Variants in SCAF11 observed in about 807,000 individuals in gnomAD.
SCAF11 encodes the protein protein SCAF11.
A neutral mutation model predicts 140.5 loss-of-function variants in SCAF11; 47 were observed. The ratio of observed to expected loss-of-function variants is 0.33; its 90% CI spans 0.26 to 0.43. SCAF11 has a LOEUF of 0.43. SCAF11 is among the 20% of genes least tolerant of loss of function. SCAF11 has a pLI of 1.00. For missense variants in SCAF11, 1,645 were observed against 1,705.1 expected (o/e 0.96, Z 0.62); for synonymous variants, 557 against 579.4 (o/e 0.96, Z 0.55).
chr12:45,950,433 C>A (rs536000971), intron 4 of SCAF11, among the ~76,000 whole-genome samples: 2 of 152,204 alleles, frequency 1.3e-5, no homozygotes, highest in Non-Finnish European at 2.9e-5. Flanking sequence ...AAGTAAAATA[C>A]AAACTCTATC....
intron 1 of SCAF11, among the ~76,000 whole-genome samples, chr12:45,986,747 G>C (rs1946468447): frequency 6.6e-6 from 1 of 152,114 alleles, no homozygotes; most frequent in African/African-American, 2.4e-5. Flanking sequence ...CCCCCATACT[G>C]TTCTCATGGT....
chr12:45,969,928 C>A (rs1343385229), intron 1 of SCAF11, among the ~76,000 whole-genome samples: 1 of 151,914 alleles, frequency 6.6e-6, no homozygotes, highest in African/African-American at 2.4e-5. Flanking sequence ...GACGGAGTCT[C>A]GCTCTGTCGC....
intron 11 of SCAF11, among the ~76,000 whole-genome samples, chr12:45,925,542 T>G (rs1944838026): frequency 6.6e-6 from 1 of 151,596 alleles, no homozygotes; most frequent in Admixed American, 6.6e-5. Flanking sequence ...ACAGAGAAAC[T>G]CCATCTCAAA....
At position 45,927,987 on chromosome 12, in the gene SCAF11, A is replaced by T. The variant is rs200096019; in HGVS notation, c.1714T>A (p.Ser572Thr). The change falls in exon 11 of 15, where the codon TCT (serine) becomes ACT (threonine). Residue 572 changes from serine (S) to threonine (T), a missense_variant. Physicochemically the swap from Ser to Thr is moderately conservative, Grantham distance 58. Transcript: ENST00000369367. Reference protein sequence around the residue: ...QPVSCPLSDLSENVESVVNEE... With the variant: ...QPVSCPLSDLTENVESVVNEE... ...TTAACCACTGACTCTACATTCTCAG[A>T]TAAGTCACTTAGGGGACAAGATACA... 2 of 1,613,244 alleles carry T rather than the reference A, an allele frequency of 1.2e-6. No homozygotes were observed. Among genetic ancestry groups the T allele is most frequent in the Non-Finnish European group, 1.7e-6 (2 of 1,180,000 alleles).
intron 8 of SCAF11, among the ~76,000 whole-genome samples, 177 bp downstream of exon 8, chr12:45,933,999 G>A (rs994603624): frequency 1.3e-5 from 2 of 151,950 alleles, no homozygotes; most frequent in African/African-American, 4.8e-5. Flanking sequence ...AAAATTAACA[G>A]GTTTTCTCTT....
chr12:45,954,733 CTTTTTTTTT>C (rs759746881), intron 3 of SCAF11: 1 of 93,912 alleles, frequency 1.1e-5, no homozygotes, highest in Non-Finnish European at 1.9e-5. Context: ...CCGTGCCTAG[CTTTTTTTTT>C]TTTTTTTTTT....
At chr12:45,952,017 C>G (rs1365832133) in intron 3 of SCAF11, among the ~76,000 whole-genome samples, 1 of 152,118 alleles carries the variant, frequency 6.6e-6, no homozygotes, top group African/African-American at 2.4e-5. Flanking sequence ...GGGCTGACAG[C>G]AGTAGTTCTG....
chr12:45,972,921 G>GAT lies in SCAF11; in HGVS notation c.-21-8735_-21-8734dup, dbSNP rs1565688971. Among the ~76,000 whole-genome samples the GAT allele has an allele frequency of 4.6e-3, 275 of 59,700 alleles. 21 individuals are homozygous for GAT. Among genetic ancestry groups the GAT allele is most frequent in the African/African-American group, 0.022 (265 of 11,816 alleles). The allele number at this position is 59,700 out of a possible 152,430, so 39.2% of individuals were successfully genotyped here. A position where few individuals can be genotyped will look rare whatever the true frequency, so the allele number is the denominator to read the frequency against. ...ATATATATATATAGATATATATATA[G>GAT]ATATATAGATATATATAGATATATA... On this transcript the variant is annotated intron_variant, in intron 1 of 14. Coordinates refer to ENST00000369367, the MANE Select transcript of SCAF11 (RefSeq NM_004719.3).
chr12:45,925,780 T>C (rs1565657066), intron 11 of SCAF11, among the ~76,000 whole-genome samples: 1 of 152,102 alleles, frequency 6.6e-6, no homozygotes, highest in Non-Finnish European at 1.5e-5. Flanking sequence ...ATTAAAACAA[T>C]GGCTTATTTT....
At chr12:45,949,126 A>G (rs1334014244) in intron 4 of SCAF11, among the ~76,000 whole-genome samples, 1 of 152,162 alleles carries the variant, frequency 6.6e-6, no homozygotes, top group Non-Finnish European at 1.5e-5. Context: ...CTTTGGTGTG[A>G]TATGGGGAAT....
At chr12:45,965,349 C>T (rs1945920888) in intron 1 of SCAF11, among the ~76,000 whole-genome samples, 1 of 152,086 alleles carries the variant, frequency 6.6e-6, no homozygotes. Context: ...TGAGCAACTA[C>T]AGTGAAGGAG....
intron 1 of SCAF11, among the ~76,000 whole-genome samples, chr12:45,987,987 T>G (rs1946498256): frequency 6.6e-6 from 1 of 152,204 alleles, no homozygotes; most frequent in Admixed American, 6.5e-5. Flanking sequence ...AAAAATACAA[T>G]GCAAAGATGA....
intron 1 of SCAF11, among the ~76,000 whole-genome samples, chr12:45,979,484 G>C (rs1016221057): frequency 2.0e-5 from 3 of 152,108 alleles, no homozygotes; most frequent in African/African-American, 7.2e-5. Flanking sequence ...AAACTTTACA[G>C]AGTTTCAATT....
At chr12:45,957,058 C>T (rs1446223525) in intron 3 of SCAF11, among the ~76,000 whole-genome samples, 1 of 151,898 alleles carries the variant, frequency 6.6e-6, no homozygotes, top group Non-Finnish European at 1.5e-5. Context: ...TGGAGAGAGC[C>T]CTGATCATCT....
rs750987619 is a variant in SCAF11, at chr12:45,933,222, T to C, written c.643A>G (p.Ile215Val). ...AATGCACTGATTTCACTGGCTTCTA[T>C]AAATTCTGTACTAAAAGATAAATTT... The part of the protein sequence containing the change: ...FTYRAYCTEF[I>V]EASEISALIR... The change falls in exon 9 of 15, where the codon ATA becomes GTA. Residue 215 changes from isoleucine (I) to valine (V), a missense_variant. Around this residue, in one of 2 missense-constraint regions of SCAF11, gnomAD observed 1,582 missense variants for 1,609.2 expected, o/e 0.98. Coordinates refer to ENST00000369367, the MANE Select transcript of SCAF11 (RefSeq NM_004719.3). The C allele has an allele frequency of 9.3e-6, 15 of 1,608,592 alleles. No individual in the cohort carries two copies. The highest frequency in any genetic ancestry group is 1.1e-5 in the South Asian group (1 of 90,650).
intron 1 of SCAF11, among the ~76,000 whole-genome samples, chr12:45,964,940 T>C (rs567214002): frequency 2.0e-5 from 3 of 152,032 alleles, no homozygotes; most frequent in Non-Finnish European, 4.4e-5. Flanking sequence ...TGTGTGTGTG[T>C]GTGTGTCTAC....
At chr12:45,937,256 T>C (rs1039374561) in intron 6 of SCAF11, among the ~76,000 whole-genome samples, 1 of 152,168 alleles carries the variant, frequency 6.6e-6, no homozygotes, top group African/African-American at 2.4e-5. Context: ...TAAGAACTTA[T>C]CTTCTACTCC....
intron 6 of SCAF11, among the ~76,000 whole-genome samples, chr12:45,941,593 C>T (rs925235259): frequency 2.6e-5 from 4 of 152,170 alleles, no homozygotes; most frequent in Non-Finnish European, 5.9e-5. Context: ...CACCACCATT[C>T]TACTTCCAAA....
chr12:45,977,951 G>C (rs887213282), intron 1 of SCAF11, among the ~76,000 whole-genome samples: 2 of 152,154 alleles, frequency 1.3e-5, no homozygotes, highest in Non-Finnish European at 2.9e-5. Flanking sequence ...CCTAATGATA[G>C]CATGGGTGAT....
Sources: gnomAD v4.1 joint callset for allele counts (sites outside exome capture counted in the v4.1 genomes callset) on GRCh38, gnomAD v4.1.1 for gene constraint, gnomAD v4.1.1 regional missense constraint, MANE v1.5 for transcripts, NCBI Gene and HGNC (gene_info 2026-07-23, HGNC 2026-07-21) for gene names.